GGT1: variants seen among roughly 807,000 people sequenced by gnomAD.
The protein encoded by GGT1 is glutathione hydrolase 1 proenzyme.
In GGT1, 21 loss-of-function variants were observed where a neutral mutation model predicts 56.0. The observed-to-expected ratio is 0.38, with a 90% confidence interval of 0.27 to 0.54. The LOEUF (loss-of-function observed/expected upper bound fraction) is 0.54, where lower values mean the gene tolerates loss of function less well. Among genes scored for constraint, GGT1 ranks in the 20% least tolerant of loss-of-function variants. The pLI is 0.82. For missense variants in GGT1, 466 were observed against 787.0 expected (o/e 0.59, Z 4.88); for synonymous variants, 238 against 342.6 (o/e 0.69, Z 3.37).
At chr22:24,593,141 G>A (rs990647719), upstream of GGT1, 16 of 995,618 alleles carry the variant, frequency 1.6e-5, no homozygotes, top group African/African-American at 2.8e-4. Flanking sequence ...CCGCGGCCCT[G>A]CCCCGTCCGG....
chr22:24,600,674 G>A (rs2045767814), upstream of GGT1, among the ~76,000 whole-genome samples: 1 of 152,236 alleles, frequency 6.6e-6, no homozygotes, highest in South Asian at 2.1e-4. Flanking sequence ...CTCCATCACA[G>A]CTGAGTAGCA....
chr22:24,622,049 A>G (rs1307405322), intron 9 of GGT1, among the ~76,000 whole-genome samples: 4 of 151,342 alleles, frequency 2.6e-5, no homozygotes, highest in South Asian at 2.1e-4. Context: ...CAAAAAAAAA[A>G]AAAGAAAGAA....
At chr22:24,611,564 A>G (rs2046682022) in intron 5 of GGT1, among the ~76,000 whole-genome samples, 1 of 147,342 alleles carries the variant, frequency 6.8e-6, no homozygotes, top group Non-Finnish European at 1.5e-5. Context: ...CTATCTATCT[A>G]TCTATCTATC....
chr22:24,585,701 C>T, the GGT1 span: 8 of 682,758 alleles, frequency 1.2e-5, no homozygotes, highest in Admixed American at 9.0e-5. Context: ...TGAGGGAAGG[C>T]TGAGCCTCTA....
In GGT1 at chr22:24,605,109, A is replaced by AAG. The variant is rs2045978126; in HGVS notation, c.-429+1582_-429+1583insAG. ...TATATTATATAATATGTATTATATT[A>AAG]TATATTATATAATATGTAATATATT... On this transcript the variant is annotated intron_variant, in intron 1 of 15. Transcript: ENST00000400382. Among the ~76,000 whole-genome samples, 4 of 32,264 alleles carry AAG rather than the reference A, an allele frequency of 1.2e-4. 1 individual carries two copies. The highest frequency in any genetic ancestry group is 4.2e-4 in the African/African-American group (4 of 9,484). The allele number at this position is 32,264 out of a possible 152,430, so 21.2% of individuals were successfully genotyped here.
In GGT1 at chr22:24,608,241, C is replaced by T. The variant is rs531628161; in HGVS notation, c.-359+218C>T. 7.2e-5 allele frequency among the ~76,000 whole-genome samples: 11 copies of T among 152,282 alleles called. No individual in the cohort carries two copies. The South Asian group carries it at 8.3e-4, about 11-fold the overall frequency. ...CTCAGCAGGGTGTCTTCCTCCGATCCGGGGACATCTGCCTGTGGGAGGCTG... is the reference window on the plus strand; with the variant it reads ...CTCAGCAGGGTGTCTTCCTCCGATCTGGGGACATCTGCCTGTGGGAGGCTG... On this transcript the variant is annotated intron_variant, in intron 2 of 15. Coordinates refer to ENST00000400382, the MANE Select transcript of GGT1 (RefSeq NM_001288833.2).
At chr22:24,610,912 C>T (rs865903515) in intron 4 of GGT1, among the ~76,000 whole-genome samples, 163 bp from the exon 5 acceptor site, 3 of 151,672 alleles carry the variant, frequency 2.0e-5, no homozygotes, top group Admixed American at 1.3e-4. Flanking sequence ...GCATGGCCTG[C>T]GCAAAGGTCT....
the GGT1 span, chr22:24,589,491 GTC>G: frequency 2.1e-5 from 12 of 584,864 alleles, no homozygotes; most frequent in Non-Finnish European, 2.8e-5. Flanking sequence ...TCTCAGAACA[GTC>G]TGTGACCCGC....
chr22:24,604,258 G>A (rs1406858576), intron 1 of GGT1, among the ~76,000 whole-genome samples: 1 of 152,112 alleles, frequency 6.6e-6, no homozygotes, highest in Non-Finnish European at 1.5e-5. Context: ...AGCTGACCTC[G>A]TAAAATCCCT....
At chr22:24,623,339 C>T (rs1427465482) in intron 10 of GGT1, 83 bp downstream of exon 10, 4 of 1,391,310 alleles carry the variant, frequency 2.9e-6, no homozygotes, top group Non-Finnish European at 3.0e-6. Flanking sequence ...TGCATCTCTG[C>T]TCGCCCCCCA....
At chr22:24,589,221 A>G in the GGT1 span, 1 of 1,255,210 alleles carries the variant, frequency 8.0e-7, no homozygotes, top group East Asian at 6.9e-5. Flanking sequence ...GTCGATGCTC[A>G]TGGCAGGACA....
the GGT1 span, chr22:24,586,242 G>A: frequency 4.3e-6 from 7 of 1,613,628 alleles, no homozygotes; most frequent in Non-Finnish European, 5.9e-6. Flanking sequence ...AGCAGGAGGT[G>A]CAGCAGCTCA....
intron 5 of GGT1, among the ~76,000 whole-genome samples, chr22:24,612,244 CTTTTTTTT>C (rs796939700): frequency 4.0e-5 from 3 of 75,384 alleles, no homozygotes; most frequent in African/African-American, 1.2e-4. Context: ...CCGGCTTATT[CTTTTTTTT>C]TTTTTTTTTT....
the GGT1 span, chr22:24,586,041 G>A: frequency 1.9e-4 from 303 of 1,611,352 alleles, 1 homozygote; most frequent in East Asian, 6.3e-3. Context: ...CTCAGCCGCC[G>A]GCGCAGGCCG....
upstream of GGT1, among the ~76,000 whole-genome samples, chr22:24,601,316 C>G (rs1174665410): frequency 6.6e-6 from 1 of 152,220 alleles, no homozygotes; most frequent in Non-Finnish European, 1.5e-5. Context: ...ATGGCCCACT[C>G]AGGGCATGAG....
upstream of GGT1, among the ~76,000 whole-genome samples, chr22:24,602,769 G>T (rs964354076): frequency 5.3e-5 from 8 of 152,144 alleles, no homozygotes; most frequent in African/African-American, 1.9e-4. Flanking sequence ...GGCCTGTTAG[G>T]AGAGGCATCC....
In GGT1 at chr22:24,624,524, T is replaced by G. The variant is rs144563467; in HGVS notation, c.1020+608T>G. ...CCAGGAGGGGCGTCAGCTGCCCAGG[T>G]GGTGTCTTCTCTTTCCCCGTGAGCA... On this transcript the variant is annotated intron_variant, in intron 11 of 15. Coordinates refer to ENST00000400382, the MANE Select transcript of GGT1 (RefSeq NM_001288833.2). The G allele has an allele frequency of 4.3e-6, 4 of 934,650 alleles. No homozygotes were observed. In the East Asian group the frequency reaches 4.6e-4, roughly 109 times the overall value. 57.9% of individuals were successfully genotyped at this position (934,650 alleles called of 1,614,324 possible).
intron 7 of GGT1, among the ~76,000 whole-genome samples, chr22:24,616,129 T>C (rs1601713315): frequency 2.0e-5 from 3 of 146,820 alleles, no homozygotes; most frequent in African/African-American, 2.5e-5. Context: ...AAAAAAAGGC[T>C]GGGCCTTTTT....
At chr22:24,593,781 T>G (rs144109282), upstream of GGT1, among the ~76,000 whole-genome samples, 817 of 147,940 alleles carry the variant, frequency 5.5e-3, 7 homozygotes, top group African/African-American at 0.02. Flanking sequence ...AGCAAAACTC[T>G]GTCTCAAAAA....
Sources: gnomAD v4.1 joint callset for allele counts (sites outside exome capture counted in the v4.1 genomes callset) on GRCh38, gnomAD v4.1.1 for gene constraint, MANE v1.5 for transcripts, NCBI Gene and HGNC (gene_info 2026-07-23, HGNC 2026-07-21) for gene names.